Variants in TPRG1 observed in about 807,000 individuals in gnomAD.
The protein encoded by TPRG1 is tumor protein p63-regulated gene 1 protein.
Under a neutral mutation model 29.3 loss-of-function variants are expected in TPRG1, and 29 were observed. The ratio of observed to expected loss-of-function variants is 0.99; its 90% CI spans 0.74 to 1.35. The LOEUF (loss-of-function observed/expected upper bound fraction) is 1.35, where lower values mean the gene tolerates loss of function less well. TPRG1 is among the 40% of genes most tolerant of loss of function. The probability of loss-of-function intolerance (pLI) is 0.00; values close to 1 mark genes in which losing one functional copy is unlikely to be tolerated. For missense variants in TPRG1, 327 were observed against 335.0 expected (o/e 0.98, Z 0.19); for synonymous variants, 130 against 116.8 (o/e 1.11, Z -0.73).
chr3:189,232,571 G>T (rs1738831943), intron 3 of TPRG1, among the ~76,000 whole-genome samples: 1 of 152,122 alleles, frequency 6.6e-6, no homozygotes, highest in African/African-American at 2.4e-5. Flanking sequence ...TCAGAGGATT[G>T]TATATTCCTT....
intron 1 of TPRG1, among the ~76,000 whole-genome samples, chr3:189,125,889 T>C (rs1191252297): frequency 6.6e-6 from 1 of 151,508 alleles, no homozygotes; most frequent in Non-Finnish European, 1.5e-5. Context: ...TATTTAGTTT[T>C]ATTTTTTAAA....
chr3:189,119,629 G>A (rs1721590580), intron 1 of TPRG1, among the ~76,000 whole-genome samples: 1 of 152,122 alleles, frequency 6.6e-6, no homozygotes, highest in Admixed American at 6.6e-5. Context: ...CTGTTCCTGT[G>A]GTAGTGAATG....
chr3:189,220,583 C>T (rs1265049066), intron 3 of TPRG1, among the ~76,000 whole-genome samples: 1 of 152,136 alleles, frequency 6.6e-6, no homozygotes, highest in Non-Finnish European at 1.5e-5. Context: ...CCTTTCCCTC[C>T]TCCCACCTTC....
At chr3:189,270,264 T>A (rs1437139314) in intron 4 of TPRG1, among the ~76,000 whole-genome samples, 1 of 151,952 alleles carries the variant, frequency 6.6e-6, no homozygotes, top group Non-Finnish European at 1.5e-5. Flanking sequence ...TGGATATCCG[T>A]GTCAGGAATT....
At chr3:189,246,936 T>A (rs1252554583) in intron 4 of TPRG1, among the ~76,000 whole-genome samples, 1 of 152,150 alleles carries the variant, frequency 6.6e-6, no homozygotes, top group Non-Finnish European at 1.5e-5. Context: ...GAAATTTGAC[T>A]TTGATGTGCT....
intron 3 of TPRG1, among the ~76,000 whole-genome samples, chr3:189,234,993 T>A (rs865889231): frequency 6.6e-6 from 1 of 152,042 alleles, no homozygotes; most frequent in Non-Finnish European, 1.5e-5. Context: ...GGGAACAGCA[T>A]GTACAAAGGC....
intron 4 of TPRG1, among the ~76,000 whole-genome samples, chr3:189,089,039 T>G (rs1209208375): frequency 6.6e-6 from 1 of 152,016 alleles, no homozygotes; most frequent in Non-Finnish European, 1.5e-5. Flanking sequence ...ATTAATACCT[T>G]TTTACAAAAG....
chr3:189,068,145 C>A (rs1716573522), intron 4 of TPRG1, among the ~76,000 whole-genome samples: 1 of 152,036 alleles, frequency 6.6e-6, no homozygotes, highest in Non-Finnish European at 1.5e-5. Flanking sequence ...GTTAAAGTGA[C>A]TTTTATCCAA....
At chr3:189,245,266 T>C (rs1462170464) in intron 4 of TPRG1, among the ~76,000 whole-genome samples, 3 of 152,098 alleles carry the variant, frequency 2.0e-5, no homozygotes, top group Admixed American at 2.0e-4. Context: ...CTACTTTGGG[T>C]TTACTTTTTC....
At chr3:189,138,725 G>A (rs541178737) in intron 3 of TPRG1, among the ~76,000 whole-genome samples, 7 of 152,332 alleles carry the variant, frequency 4.6e-5, no homozygotes, top group African/African-American at 1.7e-4. Flanking sequence ...TAGAGGCTAA[G>A]GGGAGAACAC....
intron 4 of TPRG1, among the ~76,000 whole-genome samples, chr3:189,270,401 C>G (rs1714913362): frequency 6.6e-6 from 1 of 152,184 alleles, no homozygotes; most frequent in African/African-American, 2.4e-5. Context: ...CCATGCAGTT[C>G]CCTTGGGCAG....
intron 5 of TPRG1, among the ~76,000 whole-genome samples, chr3:189,311,273 C>A (rs141498691): frequency 2.0e-5 from 3 of 152,098 alleles, no homozygotes; most frequent in African/African-American, 7.2e-5. Context: ...CATATGAGTG[C>A]GCTTATAGAC....
chr3:189,278,898 A>AGTCCCAAGTACTTATGCTCATATTCCT (rs1716619819), intron 4 of TPRG1, among the ~76,000 whole-genome samples: 1 of 152,230 alleles, frequency 6.6e-6, no homozygotes, highest in African/African-American at 2.4e-5. Context: ...TGCCATTTCC[A>AGTCCCAAGTACTTATGCTCATATTCCT]GTCCCAAGTA....
chr3:189,310,192 T>C, intron 4 of TPRG1, 194 bp from the exon 5 acceptor site: 1 of 389,150 alleles, frequency 2.6e-6, no homozygotes, highest in Non-Finnish European at 4.6e-6. Flanking sequence ...GTGTTTCCCA[T>C]ATAGAATTCC....
intron 5 of TPRG1, among the ~76,000 whole-genome samples, chr3:189,314,091 A>G (rs1723109191): frequency 6.6e-6 from 1 of 152,240 alleles, no homozygotes; most frequent in Admixed American, 6.5e-5. Context: ...TGAAGAAGTC[A>G]AAGATGACAA....
intron 1 of TPRG1, among the ~76,000 whole-genome samples, chr3:189,173,538 C>G (rs1322577130): frequency 6.6e-6 from 1 of 151,724 alleles, no homozygotes; most frequent in African/African-American, 2.4e-5. Flanking sequence ...CGGGGTTTCA[C>G]CATGTTGGTC....
chr3:189,049,343 A>G (rs1031269019), intron 4 of TPRG1, among the ~76,000 whole-genome samples: 3 of 152,094 alleles, frequency 2.0e-5, no homozygotes, highest in South Asian at 2.1e-4. Context: ...TCAGTTTGCA[A>G]TGGGAGCTGG....
chr3:189,169,652 T>C (rs983875710), upstream of TPRG1, among the ~76,000 whole-genome samples: 3 of 152,238 alleles, frequency 2.0e-5, no homozygotes, highest in Non-Finnish European at 2.9e-5. Flanking sequence ...TTCTTATATA[T>C]AGCCATATGT....
chr3:189,312,027 A>G (rs1722575107), intron 5 of TPRG1, among the ~76,000 whole-genome samples: 1 of 152,178 alleles, frequency 6.6e-6, no homozygotes, highest in Admixed American at 6.5e-5. Context: ...GCATTGTTCC[A>G]TAATCTTCAA....
Sources: allele counts gnomAD v4.1 joint callset (sites outside exome capture counted in the v4.1 genomes callset), GRCh38; gene constraint gnomAD v4.1.1; transcripts MANE v1.5; gene names NCBI Gene and HGNC (gene_info 2026-07-23, HGNC 2026-07-21).